Variants in MRPL2 observed in about 807,000 individuals in gnomAD.
MRPL2 encodes mitochondrial ribosomal protein L2, also known as large ribosomal subunit protein uL2m.
MRPL2 carries 27 observed loss-of-function variants against 34.6 expected under a neutral mutation model. The observed-to-expected ratio is 0.78, with a 90% CI of 0.58 to 1.08. The LOEUF (loss-of-function observed/expected upper bound fraction) is 1.08, where lower values mean the gene tolerates loss of function less well. Among genes scored for constraint, MRPL2 ranks in the 50% least tolerant of loss-of-function variants. MRPL2 has a pLI of 0.00. For missense variants in MRPL2, 414 were observed against 419.3 expected (o/e 0.99, Z 0.11); for synonymous variants, 155 against 158.0 (o/e 0.98, Z 0.14).
upstream of MRPL2, chr6:43,059,497 A>C (rs542534029): frequency 3.1e-5 from 45 of 1,446,906 alleles, no homozygotes; most frequent in Admixed American, 2.7e-4. Context: ...CTGGAGCCCA[A>C]GCTGGATACA....
chr6:43,054,495 G>A lies in MRPL2; in HGVS notation c.706-9C>T, dbSNP rs1581979696. The A allele has an allele frequency of 5.6e-6, 9 of 1,611,558 alleles. No homozygotes were observed. The highest frequency in any genetic ancestry group is 1.3e-5 in the African/African-American group (1 of 74,872). On this transcript the variant is annotated splice_polypyrimidine_tract_variant and intron_variant, in intron 6 of 6. Transcript: ENST00000388752. ...ACGCACGTTTCCAGCACCTGACAGA[G>A]AAAACAGATGGAGATTCTGTACAAT...
chr6:43,057,091 C>T (rs1295863997), intron 2 of MRPL2, among the ~76,000 whole-genome samples: 1 of 152,148 alleles, frequency 6.6e-6, no homozygotes, highest in African/African-American at 2.4e-5. Context: ...ACTCTGTTGC[C>T]CAGGCTGGAT....
chr6:43,055,457 T>C, intron 6 of MRPL2, 88 bp downstream of exon 6: 2 of 1,316,162 alleles, frequency 1.5e-6, no homozygotes, highest in Non-Finnish European at 2.1e-6. Context: ...CCTTGCATCA[T>C]AAAACACCTG....
Position 43,056,350 on chromosome 6 carries a change from G to A in MRPL2, c.361C>T (p.Pro121Ser). 2 of 1,614,112 alleles carry A rather than the reference G, an allele frequency of 1.2e-6. No homozygotes were observed. Among genetic ancestry groups the A allele is most frequent in the Non-Finnish European group, 1.7e-6 (2 of 1,180,020 alleles). Reference sequence around the variant, plus strand: ...ACTTGGATAACCTTCTCCTCAAAGGGTCCTGACTTGGTCTCCTCAGGCCGG... The same window carrying A: ...ACTTGGATAACCTTCTCCTCAAAGGATCCTGACTTGGTCTCCTCAGGCCGG... Reference protein sequence around the residue: ...RFRPEETKSGPFEEKVIQVRY... With the variant: ...RFRPEETKSGSFEEKVIQVRY... Residue 121 changes from proline to serine, a missense_variant, in exon 3 of 7, where the codon CCC (proline) becomes TCC (serine). Pro to Ser is a moderately conservative substitution (Grantham distance 74). Coordinates refer to ENST00000388752, the MANE Select transcript of MRPL2 (RefSeq NM_015950.5).
In MRPL2 at chr6:43,059,307, C is replaced by CGGGGCA. The variant is rs1379619686; in HGVS notation, c.69_74dup (p.Ala24_Pro25dup). ...TTACCTGGGCGGCGGGGAACAGACTCGGGGCAGGGGCGGCGACGGTCGGGG... is the reference window on the plus strand; with the variant it reads ...TTACCTGGGCGGCGGGGAACAGACTCGGGGCAGGGGCAGGGGCGGCGACGGTCGGGG... On this transcript the variant is annotated inframe_insertion, in exon 1 of 7. Coordinates refer to ENST00000388752, the MANE Select transcript of MRPL2 (RefSeq NM_015950.5). 6.4e-7 allele frequency: 1 copy of CGGGGCA among 1,551,840 alleles called. No homozygotes were observed. Among genetic ancestry groups the CGGGGCA allele is most frequent in the Admixed American group, 2.0e-5 (1 of 51,074 alleles).
rs1409464681 is a variant in MRPL2, at chr6:43,055,545, C to G, written c.705G>C (p.Gln235His). ...IIQLPSKRQM[Q>H]VLETCVATVG... is the part of the protein sequence containing the mutation. The stretch of plus-strand genomic sequence containing the variant: ...CCCTCCCATCCATACCCATACACAC[C>G]TGCATCTGCCTCTTAGAGGGCAGCT... Residue 235 changes from glutamine to histidine, a missense_variant and splice_region_variant, in exon 6 of 7, where the codon CAG (glutamine) becomes CAC (histidine). Gln to His is a conservative substitution (Grantham distance 24). Transcript: ENST00000388752. 4 of 1,613,952 alleles carry G rather than the reference C, an allele frequency of 2.5e-6. No homozygotes were observed. The highest frequency in any genetic ancestry group is 3.4e-6 in the Non-Finnish European group (4 of 1,179,976).
intron 1 of MRPL2, 44 bp downstream of exon 1, chr6:43,059,242 C>T (rs757593048): frequency 1.9e-6 from 3 of 1,551,152 alleles, no homozygotes; most frequent in East Asian, 2.4e-5. Context: ...CCATCTCCGG[C>T]AGCCCGAATG....
In MRPL2 at chr6:43,055,690, C is replaced by T. The variant is rs146850628; in HGVS notation, c.632-72G>A. On this transcript the variant is annotated intron_variant, in intron 5 of 6. Coordinates refer to ENST00000388752, the MANE Select transcript of MRPL2 (RefSeq NM_015950.5). ...CAGAGGGACTTACACAGGGGACATA[C>T]CCCACATGCTGCCCTTGCTTTGCTC... is the stretch of plus-strand genomic sequence containing the variant. 7 of 1,536,554 alleles carry T rather than the reference C, an allele frequency of 4.6e-6. No individual in the cohort carries two copies. The East Asian group carries it at 6.8e-5, about 15-fold the overall frequency.
chr6:43,056,415 C>A lies in MRPL2; in HGVS notation c.296G>T (p.Gly99Val). Residue 99 changes from glycine to valine, a missense_variant, in exon 3 of 7, where the codon GGC becomes GTC. Coordinates refer to ENST00000388752, the MANE Select transcript of MRPL2 (RefSeq NM_015950.5). Reference sequence around the variant, plus strand: ...AATCATTCGATAACGTTGCTTGTGGCCCCCGCCAATACCATGCACCCGGAT... The same window carrying A: ...AATCATTCGATAACGTTGCTTGTGGACCCCGCCAATACCATGCACCCGGAT... ...GRIRVHGIGG[G>V]HKQRYRMIDF... 1.2e-6 allele frequency: 2 copies of A among 1,614,160 alleles called. No individual in the cohort carries two copies. The highest frequency in any genetic ancestry group is 2.2e-5 in the South Asian group (2 of 91,084).
In MRPL2 at chr6:43,055,569, C is replaced by A. The variant is rs775573526; in HGVS notation, c.681G>T (p.Gln227His). 2 of 1,613,980 alleles carry A rather than the reference C, an allele frequency of 1.2e-6. No individual in the cohort carries two copies. Among genetic ancestry groups the A allele is most frequent in the Non-Finnish European group, 1.7e-6 (2 of 1,180,038 alleles). ...CCTGCATCTGCCTCTTAGAGGGCAG[C>A]TGGATAATGGCTGTGCCATTCACCT... is the stretch of plus-strand genomic sequence containing the variant. The part of the protein sequence containing the change: ...LRKVNGTAII[Q>H]LPSKRQMQVL... Residue 227 changes from glutamine to histidine, a missense_variant, in exon 6 of 7, where the codon CAG (glutamine) becomes CAT (histidine). Physicochemically the swap from Gln to His is conservative, Grantham distance 24. Transcript: ENST00000388752.
At chr6:43,058,717 T>TA (rs1458437673) in intron 1 of MRPL2, among the ~76,000 whole-genome samples, 2 of 152,136 alleles carry the variant, frequency 1.3e-5, no homozygotes, top group Non-Finnish European at 2.9e-5. Context: ...GAGCAGGACT[T>TA]ACTTCTCTTT....
Position 43,054,449 on chromosome 6 carries a change from G to A in MRPL2, c.743C>T (p.Ser248Phe). ...GACCCGTTTGTTATGATCAACGTTGGATACTCGGCCTACTGTTGCTACGCA... is the reference window on the plus strand; with the variant it reads ...GACCCGTTTGTTATGATCAACGTTGAATACTCGGCCTACTGTTGCTACGCA... ...ETCVATVGRVSNVDHNKRVIG... is the reference protein window; with the variant it reads ...ETCVATVGRVFNVDHNKRVIG... Residue 248 changes from serine to phenylalanine, a missense_variant, in exon 7 of 7, where the codon TCC (serine) becomes TTC (phenylalanine). Ser to Phe is a radical substitution (Grantham distance 155, BLOSUM62 -2). Transcript: ENST00000388752. 6.2e-7 allele frequency: 1 copy of A among 1,614,204 alleles called. No individual in the cohort carries two copies. The highest frequency in any genetic ancestry group is 8.5e-7 in the Non-Finnish European group (1 of 1,180,050).
At chr6:43,058,010 G>A (rs1335231210) in intron 2 of MRPL2, 55 bp downstream of exon 2, 1 of 1,579,502 alleles carries the variant, frequency 6.3e-7, no homozygotes, top group Non-Finnish European at 8.7e-7. Flanking sequence ...ACAAGTCTAG[G>A]GTCTTAACAT....
chr6:43,056,194 G>C lies in MRPL2; in HGVS notation c.407C>G (p.Ser136Ter). 4 of 1,613,816 alleles carry C rather than the reference G, an allele frequency of 2.5e-6. No individual in the cohort carries two copies. The highest frequency in any genetic ancestry group is 3.4e-6 in the Non-Finnish European group (4 of 1,179,678). ...CCCAGCAACCAGAGCTATGTCTGCT[G>C]ACCTAATCAGGGTGAGGGACAGGTA... ...VIQVRYDPCRSADIALVAGGS... is the reference protein window; with the variant it reads ...VIQVRYDPCR The change falls in exon 4 of 7, where the codon TCA becomes TGA. Residue 136 changes from serine (S) to a stop codon, truncating the protein, a stop_gained and splice_region_variant. Transcript: ENST00000388752. LOFTEE classifies it high-confidence loss of function.
rs1764728598 is a variant in MRPL2 at position 43,054,244 on chromosome 6, G to GGT, written c.*29_*30insAC. 7.2e-7 allele frequency: 1 copy of GGT among 1,395,972 alleles called. No individual in the cohort carries two copies. 86.5% of individuals were successfully genotyped at this position (1,395,972 alleles called of 1,614,324 possible). ...CCACAGTAACAGATTAAAACGGGGGGGGGGGGCATTTTATTAGAGTACAGG... is the reference window on the plus strand; with the variant it reads ...CCACAGTAACAGATTAAAACGGGGGGGTGGGGGGCATTTTATTAGAGTACAGG... On this transcript the variant is annotated 3_prime_UTR_variant, in exon 7 of 7. Transcript: ENST00000388752.
At chr6:43,054,564 G>A (rs1764764870) in intron 6 of MRPL2, 78 bp from the exon 7 acceptor site, 4 of 1,283,012 alleles carry the variant, frequency 3.1e-6, no homozygotes, top group Non-Finnish European at 4.4e-6. Context: ...ACCCTTGGGG[G>A]GCTTCTTAGA....
Position 43,055,592 on chromosome 6 carries a change from C to T in MRPL2, c.658G>A (p.Val220Met), listed in dbSNP as rs1581983443. 1 of 1,614,138 alleles carries T rather than the reference C, an allele frequency of 6.2e-7. No individual in the cohort carries two copies. The highest frequency in any genetic ancestry group is 2.2e-5 in the East Asian group (1 of 44,894). ...AGCTGGATAATGGCTGTGCCATTCA[C>T]CTTCCGCAGTAGCACACCACACGTC... ...AGTCGVLLRK[V>M]NGTAIIQLPS... is the part of the protein sequence containing the mutation. The change falls in exon 6 of 7, where the codon GTG (valine) becomes ATG (methionine). Residue 220 changes from valine (V) to methionine (M), a missense_variant. Val to Met is a conservative substitution (Grantham distance 21). Coordinates refer to ENST00000388752, the MANE Select transcript of MRPL2 (RefSeq NM_015950.5).
chr6:43,054,562 G>A, intron 6 of MRPL2, 76 bp from the exon 7 acceptor site: 1 of 1,324,422 alleles, frequency 7.6e-7, no homozygotes, highest in Non-Finnish European at 1.1e-6. Context: ...ACACCCTTGG[G>A]GGGCTTCTTA....
chr6:43,054,453 C>T lies in MRPL2; in HGVS notation c.739G>A (p.Val247Ile). ...LETCVATVGR[V>I]SNVDHNKRVI... ...CGTTTGTTATGATCAACGTTGGATACTCGGCCTACTGTTGCTACGCACGTT... is the reference window on the plus strand; with the variant it reads ...CGTTTGTTATGATCAACGTTGGATATTCGGCCTACTGTTGCTACGCACGTT... Residue 247 changes from valine (V) to isoleucine (I), a missense_variant, in exon 7 of 7, where the codon GTA (valine) becomes ATA (isoleucine). Val to Ile is a conservative substitution (Grantham distance 29). Coordinates refer to ENST00000388752, the MANE Select transcript of MRPL2 (RefSeq NM_015950.5). The T allele has an allele frequency of 6.2e-7, 1 of 1,614,240 alleles. No individual in the cohort carries two copies. The highest frequency in any genetic ancestry group is 8.5e-7 in the Non-Finnish European group (1 of 1,180,046).
Sources: gnomAD v4.1 joint callset for allele counts (sites outside exome capture counted in the v4.1 genomes callset) on GRCh38, gnomAD v4.1.1 for gene constraint, MANE v1.5 for transcripts, NCBI Gene and HGNC (gene_info 2026-07-23, HGNC 2026-07-21) for gene names.